TENM4: variants seen among roughly 807,000 people sequenced by gnomAD.
The protein encoded by TENM4 is teneurin transmembrane protein 4.
Under a neutral mutation model 243.3 loss-of-function variants are expected in TENM4, and 82 were observed. The ratio of observed to expected loss-of-function variants is 0.34; its 90% CI spans 0.28 to 0.40. The LOEUF (loss-of-function observed/expected upper bound fraction) is 0.40, where lower values mean the gene tolerates loss of function less well. Among genes scored for constraint, TENM4 ranks in the 10% least tolerant of loss-of-function variants. The pLI, the probability that TENM4 is intolerant of heterozygous loss-of-function variation, is 1.00. For synonymous variants in TENM4, 1,412 were observed against 1,456.3 expected (o/e 0.97, Z 0.69); for missense variants, 3,138 against 3,673.3 (o/e 0.85, Z 3.77).
intron 2 of TENM4, among the ~76,000 whole-genome samples, chr11:79,291,823 G>T (rs1454461329): frequency 6.6e-6 from 1 of 152,180 alleles, no homozygotes; most frequent in Non-Finnish European, 1.5e-5. Flanking sequence ...CTGCCAATGA[G>T]TATTCATATG....
chr11:78,811,323 G>C (rs1857495709), intron 14 of TENM4, among the ~76,000 whole-genome samples: 1 of 152,196 alleles, frequency 6.6e-6, no homozygotes, highest in African/African-American at 2.4e-5. Flanking sequence ...TGAGACCTGG[G>C]CTGAATCCCA....
chr11:79,111,347 C>A (rs1454922084), intron 4 of TENM4, among the ~76,000 whole-genome samples: 1 of 152,140 alleles, frequency 6.6e-6, no homozygotes, highest in Non-Finnish European at 1.5e-5. Context: ...AGATTGAGAC[C>A]ATCCTGGCTA....
intron 32 of TENM4, 122 bp from the exon 33 acceptor site, chr11:78,661,713 G>T: frequency 7.8e-7 from 1 of 1,289,324 alleles, no homozygotes. Flanking sequence ...GCTGCTGGTG[G>T]GAGAGTCAAC....
chr11:78,914,030 A>G (rs1470818113), intron 6 of TENM4, among the ~76,000 whole-genome samples: 2 of 152,192 alleles, frequency 1.3e-5, no homozygotes, highest in Non-Finnish European at 2.9e-5. Context: ...TATAATGTCC[A>G]AGTCTCATAG....
intron 26 of TENM4, among the ~76,000 whole-genome samples, chr11:78,711,367 A>G (rs1412646575): frequency 6.6e-6 from 1 of 152,216 alleles, no homozygotes; most frequent in Non-Finnish European, 1.5e-5. Flanking sequence ...ACAACTGTGC[A>G]GCATATCCCT....
intron 6 of TENM4, among the ~76,000 whole-genome samples, chr11:78,937,051 TA>T (rs530489102): frequency 5.3e-5 from 8 of 152,034 alleles, no homozygotes; most frequent in South Asian, 2.1e-4. Flanking sequence ...TTATTGCAAT[TA>T]AAAAAAATTG....
At chr11:78,950,002 G>T (rs1857080761) in intron 6 of TENM4, among the ~76,000 whole-genome samples, 1 of 151,978 alleles carries the variant, frequency 6.6e-6, no homozygotes, top group Non-Finnish European at 1.5e-5. Flanking sequence ...GGGGCGGGGG[G>T]TGCATCAATG....
At position 78,989,896 on chromosome 11, in the gene TENM4, G is replaced by GA. The variant is rs200863672; in HGVS notation, c.493+74841dup. Among the ~76,000 whole-genome samples, 1,046 of 150,082 alleles carry GA rather than the reference G, an allele frequency of 7.0e-3. 7 individuals carry two copies. The highest frequency in any genetic ancestry group is 0.022 in the African/African-American group (916 of 40,898). On this transcript the variant is annotated intron_variant, in intron 6 of 33. Transcript: ENST00000278550. ...TAACGAAACCCCATCTCTACTAAAA[G>GA]AAAAAAAAATACAAAAAATTAGCCG...
At chr11:78,748,359 G>T (rs746095926) in intron 19 of TENM4, among the ~76,000 whole-genome samples, 1 of 152,184 alleles carries the variant, frequency 6.6e-6, no homozygotes, top group African/African-American at 2.4e-5. Flanking sequence ...CTTGTCTAAG[G>T]TCACACAGCT....
At chr11:79,106,797 A>G (rs1414104091) in intron 4 of TENM4, among the ~76,000 whole-genome samples, 1 of 152,224 alleles carries the variant, frequency 6.6e-6, no homozygotes, top group Non-Finnish European at 1.5e-5. Context: ...CTTTTTCTAC[A>G]ACAGCCTGTT....
chr11:79,084,076 C>G (rs1296490099), intron 4 of TENM4, among the ~76,000 whole-genome samples: 1 of 151,962 alleles, frequency 6.6e-6, no homozygotes, highest in Non-Finnish European at 1.5e-5. Context: ...AATATTTCAC[C>G]AAAAAGGATA....
intron 12 of TENM4, among the ~76,000 whole-genome samples, chr11:78,844,742 T>G (rs1225988682): frequency 6.6e-6 from 1 of 152,094 alleles, no homozygotes; most frequent in Non-Finnish European, 1.5e-5. Flanking sequence ...AAGGCGACTG[T>G]TGCCAGCCTG....
intron 2 of TENM4, among the ~76,000 whole-genome samples, chr11:79,232,381 C>T (rs113236367): frequency 0.025 from 3,868 of 152,362 alleles, 141 homozygotes; most frequent in African/African-American, 0.084. Flanking sequence ...CCTGCACGGG[C>T]AGCCCCAGCC....
rs1309756812 is a variant in TENM4, at chr11:78,955,072, GGCCTCACATGATGGCAGTGA to G, written c.494-51569_494-51550del. Among the ~76,000 whole-genome samples, 7 of 152,302 alleles carry G rather than the reference GGCCTCACATGATGGCAGTGA, an allele frequency of 4.6e-5. No individual in the cohort carries two copies. The East Asian group carries it at 1.2e-3, about 25-fold the overall frequency. On this transcript the variant is annotated intron_variant, in intron 6 of 33. Coordinates refer to ENST00000278550, the MANE Select transcript of TENM4 (RefSeq NM_001098816.3). ...AAACTGAGCTCACATGATAGCAGCG[GGCCTCACATGATGGCAGTGA>G]GCCTCACATGTTGGACTGACCATCC...
intron 1 of TENM4, among the ~76,000 whole-genome samples, chr11:79,432,905 C>A (rs1859198094): frequency 1.3e-5 from 2 of 152,136 alleles, no homozygotes; most frequent in African/African-American, 4.8e-5. Flanking sequence ...CTGGGCTCAG[C>A]CTTACTGAGC....
At chr11:79,013,999 G>A (rs1318822868) in intron 6 of TENM4, among the ~76,000 whole-genome samples, 4 of 151,874 alleles carry the variant, frequency 2.6e-5, no homozygotes, top group Non-Finnish European at 5.9e-5. Flanking sequence ...GTCACTTTTT[G>A]ACTACCTAAC....
At position 78,778,616 on chromosome 11, in the gene TENM4, T is replaced by A. The variant is rs750910735; in HGVS notation, c.2378A>T (p.Asp793Val). Residue 793 changes from aspartate (D) to valine (V), a missense_variant, in exon 17 of 34, where the codon GAT becomes GTT. By Grantham distance (152) the Asp-to-Val change is radical. Coordinates refer to ENST00000278550, the MANE Select transcript of TENM4 (RefSeq NM_001098816.3). ...GAAGACCATACCTTTAACTACCCTA[T>A]CCAGATAGTGAGCTAGGGAGATAAA... ...GEHCTIAHYLDRVVKEGCPGL... is the reference protein window; with the variant it reads ...GEHCTIAHYLVRVVKEGCPGL... 38 of 1,612,064 alleles carry A rather than the reference T, an allele frequency of 2.4e-5. No individual in the cohort carries two copies. Among genetic ancestry groups the A allele is most frequent in the Non-Finnish European group, 3.1e-5 (37 of 1,179,210 alleles).
At chr11:78,664,216 T>C (rs1360660606) in intron 32 of TENM4, among the ~76,000 whole-genome samples, 5 of 152,230 alleles carry the variant, frequency 3.3e-5, no homozygotes, top group Non-Finnish European at 5.9e-5. Context: ...GTGGCAGTTA[T>C]CGCGTGGCAG....
intron 1 of TENM4, among the ~76,000 whole-genome samples, chr11:79,355,117 G>A (rs1421082873): frequency 6.6e-6 from 1 of 152,218 alleles, no homozygotes; most frequent in Non-Finnish European, 1.5e-5. Flanking sequence ...ACCAACTAGA[G>A]CTCACCTGCC....
Sources: allele counts gnomAD v4.1 joint callset (sites outside exome capture counted in the v4.1 genomes callset), GRCh38; gene constraint gnomAD v4.1.1; transcripts MANE v1.5; gene names NCBI Gene and HGNC (gene_info 2026-07-23, HGNC 2026-07-21).